PLA2G2F: variants seen among roughly 807,000 people sequenced by gnomAD.
The protein encoded by PLA2G2F is group IIF secretory phospholipase A2.
A neutral mutation model predicts 15.9 loss-of-function variants in PLA2G2F; 17 were observed. The ratio of observed to expected loss-of-function variants is 1.07; its 90% CI spans 0.73 to 1.60. The LOEUF is 1.60. Ranked by LOEUF, PLA2G2F falls within the 40% of genes most tolerant of loss-of-function variation. The pLI, the probability that PLA2G2F is intolerant of heterozygous loss-of-function variation, is 0.00. For missense variants in PLA2G2F, 299 were observed against 278.2 expected, an observed-to-expected ratio of 1.07 and a Z score of -0.53; for synonymous variants, 119 against 106.5, an observed-to-expected ratio of 1.12 and a Z score of -0.72.
intron 2 of PLA2G2F, chr1:20,142,409 G>A (rs191869384): frequency 6.6e-6 from 1 of 152,406 alleles, no homozygotes; most frequent in Non-Finnish European, 1.5e-5. Flanking sequence ...TCCTGCTGGT[G>A]TGTGTAGGGC....
chr1:20,149,978 G>A lies in PLA2G2F; in HGVS notation c.*1577G>A, dbSNP rs2017701365. ...CGCTGGGGAGGGAGAGCCGGGAAGG[G>A]TGGAGAAGGAGGCAGAAGGGACATG... On this transcript the variant is annotated 3_prime_UTR_variant, in exon 5 of 5. Transcript: ENST00000375102. 1 of 152,298 alleles carries A rather than the reference G, an allele frequency of 6.6e-6. No individual in the cohort carries two copies. Among genetic ancestry groups the A allele is most frequent in the Non-Finnish European group, 1.5e-5 (1 of 68,226 alleles). The allele number at this position is 152,298 out of a possible 1,614,324, so 9.4% of individuals were successfully genotyped here. A position where few individuals can be genotyped will look rare whatever the true frequency, so the allele number is the denominator to read the frequency against.
At position 20,143,450 on chromosome 1, in the gene PLA2G2F, G is replaced by C; in HGVS notation, c.174G>C (p.Leu58=). 1 of 1,613,804 alleles carries C rather than the reference G, an allele frequency of 6.2e-7. No homozygotes were observed. Among genetic ancestry groups the C allele is most frequent in the South Asian group, 1.1e-5 (1 of 91,074 alleles). Residue 58 remains leucine (L), a synonymous_variant, in exon 3 of 5, where the codon CTG becomes CTC. Transcript: ENST00000375102. ...FTVAILAGSV[L]STAHGSLLNL... is the part of the protein sequence containing the mutation. Reference sequence around the variant, plus strand: ...CACCCCCTGGTTCTCTTGCAGTTCTGTCCACAGCTCACGGCAGCCTGCTCA... The same window carrying C: ...CACCCCCTGGTTCTCTTGCAGTTCTCTCCACAGCTCACGGCAGCCTGCTCA...
Position 20,148,367 on chromosome 1 carries a change from G to T in PLA2G2F, c.602G>T (p.Ser201Ile). The T allele has an allele frequency of 6.2e-7, 1 of 1,613,874 alleles. No individual in the cohort carries two copies. The highest frequency in any genetic ancestry group is 8.5e-7 in the Non-Finnish European group (1 of 1,179,928). ...YEPPPEEVTC[S>I]HQSPAPPAPP is the part of the protein sequence containing the mutation. Reference sequence around the variant, plus strand: ...CCGCCCCCTGAGGAGGTCACCTGCAGTCACCAATCCCCAGCGCCCCCCGCC... The same window carrying T: ...CCGCCCCCTGAGGAGGTCACCTGCATTCACCAATCCCCAGCGCCCCCCGCC... The change falls in exon 5 of 5, where the codon AGT (serine) becomes ATT (isoleucine). Residue 201 changes from serine (S) to isoleucine (I), a missense_variant. By Grantham distance (142) the Ser-to-Ile change is moderately radical (BLOSUM62 -2). Coordinates refer to ENST00000375102, the MANE Select transcript of PLA2G2F (RefSeq NM_022819.4).
In PLA2G2F at chr1:20,140,180, TGAA is replaced by T. The variant is rs768478753; in HGVS notation, c.136_138del (p.Lys46del). Reference sequence around the variant, plus strand: ...TCCTCCCTCAGGTCTAGCCTGGGTATGAAGAAGTTCTTCACCGTGGCCATCCTT... The same window carrying T: ...TCCTCCCTCAGGTCTAGCCTGGGTATGAAGTTCTTCACCGTGGCCATCCTT... On this transcript the variant is annotated inframe_deletion, in exon 2 of 5. Coordinates refer to ENST00000375102, the MANE Select transcript of PLA2G2F (RefSeq NM_022819.4). The T allele has an allele frequency of 2.5e-6, 4 of 1,613,974 alleles. No homozygotes were observed. Among genetic ancestry groups the T allele is most frequent in the African/African-American group, 2.7e-5 (2 of 75,038 alleles).
rs372327563 is a variant in PLA2G2F, at chr1:20,144,798, C to T, written c.424+109C>T. 1.8e-5 allele frequency: 18 copies of T among 975,220 alleles called. No homozygotes were observed. In the Middle Eastern group the frequency reaches 1.1e-3, roughly 58 times the overall value. The allele number at this position is 975,220 out of a possible 1,614,324, so 60.4% of individuals were successfully genotyped here. ...GCCAGATTAAATACAGGCTGCCAGC[C>T]GGGTGCGGTGGCTCATGCCTGTAAT... On this transcript the variant is annotated intron_variant, in intron 4 of 4. Coordinates refer to ENST00000375102, the MANE Select transcript of PLA2G2F (RefSeq NM_022819.4).
At position 20,143,434 on chromosome 1, in the gene PLA2G2F, G is replaced by A. The variant is rs1244595419; in HGVS notation, c.170-12G>A. 1 of 1,612,334 alleles carries A rather than the reference G, an allele frequency of 6.2e-7. No homozygotes were observed. Among genetic ancestry groups the A allele is most frequent in the African/African-American group, 1.3e-5 (1 of 74,888 alleles). On this transcript the variant is annotated splice_polypyrimidine_tract_variant and intron_variant, in intron 2 of 4. Coordinates refer to ENST00000375102, the MANE Select transcript of PLA2G2F (RefSeq NM_022819.4). Reference sequence around the variant, plus strand: ...GGGCAGGGGCTCAGAGCACCCCCTGGTTCTCTTGCAGTTCTGTCCACAGCT... The same window carrying A: ...GGGCAGGGGCTCAGAGCACCCCCTGATTCTCTTGCAGTTCTGTCCACAGCT...
Position 20,143,566 on chromosome 1 carries a change from G to A in PLA2G2F, c.290G>A (p.Gly97Asp). Residue 97 changes from glycine to aspartate, a missense_variant, in exon 3 of 5, where the codon GGC becomes GAC. Gly to Asp is a moderately conservative substitution (Grantham distance 94). Coordinates refer to ENST00000375102, the MANE Select transcript of PLA2G2F (RefSeq NM_022819.4). ...TGCTACTGTGGGCTGGGGGGCCGTG[G>A]CCAGCCCAAGGATGAGGTGGACTGG... ...YGCYCGLGGR[G>D]QPKDEVDWCC... is the part of the protein sequence containing the mutation. 4 of 1,614,014 alleles carry A rather than the reference G, an allele frequency of 2.5e-6. No homozygotes were observed. The highest frequency in any genetic ancestry group is 2.5e-6 in the Non-Finnish European group (3 of 1,179,940).
At position 20,139,932 on chromosome 1, in the gene PLA2G2F, T is replaced by A. The variant is rs543365347; in HGVS notation, c.117-234T>A. On this transcript the variant is annotated intron_variant, in intron 1 of 4. Coordinates refer to ENST00000375102, the MANE Select transcript of PLA2G2F (RefSeq NM_022819.4). ...CCTGAAGGCTGATGCGTGGAGGGGG[T>A]TCCTGCCAGAGTGGGGGGCAAGGAG... Among the ~76,000 whole-genome samples, 3 of 151,908 alleles carry A rather than the reference T, an allele frequency of 2.0e-5. No homozygotes were observed. In the South Asian group the frequency reaches 6.3e-4, roughly 32 times the overall value.
At position 20,148,838 on chromosome 1, in the gene PLA2G2F, T is replaced by G; in HGVS notation, c.*437T>G. 5.8e-6 allele frequency: 1 copy of G among 172,840 alleles called. No homozygotes were observed. The highest frequency in any genetic ancestry group is 1.4e-4 in the South Asian group (1 of 6,968). 10.7% of individuals were successfully genotyped at this position (172,840 alleles called of 1,614,324 possible). On this transcript the variant is annotated 3_prime_UTR_variant, in exon 5 of 5. Transcript: ENST00000375102. ...GGCCCAAGATCACAGGAAGGCAGATTGCTGGTCACAAAGCATGGGTTCCGG... is the reference window on the plus strand; with the variant it reads ...GGCCCAAGATCACAGGAAGGCAGATGGCTGGTCACAAAGCATGGGTTCCGG...
intron 3 of PLA2G2F, 157 bp downstream of exon 3, chr1:20,143,747 T>A: frequency 1.1e-6 from 1 of 937,232 alleles, no homozygotes; most frequent in East Asian, 2.7e-5. Flanking sequence ...TCTTTGACTA[T>A]GTTCTTTCCA....
Position 20,148,382 on chromosome 1 carries a change from C to G in PLA2G2F, c.617C>G (p.Ala206Gly), listed in dbSNP as rs778561670. 1 of 1,611,954 alleles carries G rather than the reference C, an allele frequency of 6.2e-7. No individual in the cohort carries two copies. Among genetic ancestry groups the G allele is most frequent in the South Asian group, 1.1e-5 (1 of 91,026 alleles). ...GTCACCTGCAGTCACCAATCCCCAG[C>G]GCCCCCCGCCCCTCCCTAGAGCCTC... ...EEVTCSHQSP[A>G]PPAPP Residue 206 changes from alanine (A) to glycine (G), a missense_variant, in exon 5 of 5, where the codon GCG (alanine) becomes GGG (glycine). Transcript: ENST00000375102.
At chr1:20,148,101 A>C in intron 4 of PLA2G2F, 89 bp from the exon 5 acceptor site, 2 of 1,123,274 alleles carry the variant, frequency 1.8e-6, no homozygotes, top group South Asian at 2.6e-5. Context: ...TGGGCTCTCC[A>C]AGTCTGTGTG....
intron 1 of PLA2G2F, among the ~76,000 whole-genome samples, 177 bp from the exon 2 acceptor site, chr1:20,139,989 G>A (rs991976037): frequency 6.6e-6 from 1 of 152,070 alleles, no homozygotes; most frequent in Non-Finnish European, 1.5e-5. Flanking sequence ...GCCATCTGGG[G>A]TGCGCTCCTC....
intron 4 of PLA2G2F, among the ~76,000 whole-genome samples, chr1:20,147,535 T>A (rs1284014146): frequency 6.6e-6 from 1 of 151,590 alleles, no homozygotes; most frequent in Non-Finnish European, 1.5e-5. Context: ...TGCAACCTCC[T>A]CCTCCAGGGT....
chr1:20,143,223 C>T (rs2017511536), intron 2 of PLA2G2F: 3 of 526,248 alleles, frequency 5.7e-6, no homozygotes, highest in Admixed American at 3.3e-5. Context: ...TTCTCAGGGC[C>T]GCAGGGATGT....
At chr1:20,141,260 T>C (rs1487224939) in intron 2 of PLA2G2F, 1 of 152,294 alleles carries the variant, frequency 6.6e-6, no homozygotes, top group Admixed American at 6.5e-5. Context: ...GCGTTGTGTA[T>C]GTGAGTGCAT....
chr1:20,143,629 T>C (rs769873104), intron 3 of PLA2G2F, 39 bp downstream of exon 3: 4 of 1,603,088 alleles, frequency 2.5e-6, no homozygotes, highest in Middle Eastern at 1.7e-4. Context: ...AGGGGCCAAA[T>C]GAGGACAGCT....
At chr1:20,147,311 C>T (rs1264117078) in intron 4 of PLA2G2F, among the ~76,000 whole-genome samples, 2 of 152,086 alleles carry the variant, frequency 1.3e-5, no homozygotes, top group Non-Finnish European at 2.9e-5. Flanking sequence ...GGATGATTTC[C>T]GAAATCTACT....
In PLA2G2F at chr1:20,144,688, C is replaced by T; in HGVS notation, c.423C>T (p.Cys141=). ...TCGAGAACAACACTGAGATAGTCTG[C>T]AGTGAGTCCCTCCCCTGTCACCTGG... ...HTIENNTEIV[C]SDLNKTECDK... Residue 141 remains cysteine, a splice_region_variant and synonymous_variant, in exon 4 of 5, where the codon TGC becomes TGT. Transcript: ENST00000375102. The T allele has an allele frequency of 6.3e-7, 1 of 1,595,340 alleles. No homozygotes were observed. The highest frequency in any genetic ancestry group is 2.2e-5 in the East Asian group (1 of 44,538).
Sources: gnomAD v4.1 joint callset for allele counts (sites outside exome capture counted in the v4.1 genomes callset) on GRCh38, gnomAD v4.1.1 for gene constraint, MANE v1.5 for transcripts, NCBI Gene and HGNC (gene_info 2026-07-23, HGNC 2026-07-21) for gene names.